Variants in CNTNAP2 observed in about 807,000 individuals in gnomAD.
The protein encoded by CNTNAP2 is contactin associated protein 2.
In CNTNAP2, 98 loss-of-function variants were observed where a neutral mutation model predicts 155.2. The ratio of observed to expected loss-of-function variants is 0.63; its 90% CI spans 0.54 to 0.75. The LOEUF (loss-of-function observed/expected upper bound fraction) is 0.75. Ranked by LOEUF, CNTNAP2 falls within the 30% of genes least tolerant of loss-of-function variation. CNTNAP2 has a pLI of 0.00. For synonymous variants in CNTNAP2, 651 were observed against 631.2 expected (o/e 1.03, Z -0.47); for missense variants, 1,727 against 1,688.1 (o/e 1.02, Z -0.40).
At chr7:147,016,194 G>GAAAGCGCGGA (rs148201996) in intron 3 of CNTNAP2, among the ~76,000 whole-genome samples, 8,459 of 151,920 alleles carry the variant, frequency 0.056, 316 homozygotes, top group Middle Eastern at 0.13. Context: ...CACAAGTGAT[G>GAAAGCGCGGA]AAAGCGCGGA....
At chr7:146,393,654 C>T (rs577173751) in intron 1 of CNTNAP2, among the ~76,000 whole-genome samples, 3 of 152,172 alleles carry the variant, frequency 2.0e-5, no homozygotes, top group African/African-American at 7.2e-5. Flanking sequence ...CTGTTGGGTC[C>T]TCATTTGTTT....
At chr7:147,118,433 TTTTAA>T (rs1437775727) in intron 5 of CNTNAP2, among the ~76,000 whole-genome samples, 1 of 152,208 alleles carries the variant, frequency 6.6e-6, no homozygotes, top group African/African-American at 2.4e-5. Context: ...ATGTGCTAAC[TTTTAA>T]TTGTATGGGG....
Position 147,095,144 on chromosome 7 carries a change from C to T in CNTNAP2, c.551-13003C>T, listed in dbSNP as rs537439666. Among the ~76,000 whole-genome samples the T allele has an allele frequency of 3.0e-3, 452 of 151,662 alleles. 2 individuals carry two copies. The highest frequency in any genetic ancestry group is 4.3e-3 in the Non-Finnish European group (292 of 67,930). Reference sequence around the variant, plus strand: ...AAGCGATTCTCCTGCCTGAGCCTCCCGAGTAGCTGGGACTATAGGCATGCA... The same window carrying T: ...AAGCGATTCTCCTGCCTGAGCCTCCTGAGTAGCTGGGACTATAGGCATGCA... On this transcript the variant is annotated intron_variant, in intron 4 of 23. Coordinates refer to ENST00000361727, the MANE Select transcript of CNTNAP2 (RefSeq NM_014141.6).
chr7:146,546,415 G>T (rs1050134249), intron 1 of CNTNAP2, among the ~76,000 whole-genome samples: 4 of 151,814 alleles, frequency 2.6e-5, no homozygotes, highest in African/African-American at 9.7e-5. Flanking sequence ...AAAATTTGAA[G>T]GTACAAAACA....
chr7:147,484,580 A>T (rs762690626), intron 10 of CNTNAP2, among the ~76,000 whole-genome samples: 2 of 152,226 alleles, frequency 1.3e-5, no homozygotes, highest in Non-Finnish European at 2.9e-5. Flanking sequence ...GCAGGTGCTC[A>T]ATCAATGTTT....
At chr7:147,828,399 T>C (rs755583852) in intron 13 of CNTNAP2, among the ~76,000 whole-genome samples, 3 of 152,228 alleles carry the variant, frequency 2.0e-5, no homozygotes, top group Non-Finnish European at 4.4e-5. Flanking sequence ...AGAGGTGTTA[T>C]AAGGAATCAT....
intron 1 of CNTNAP2, among the ~76,000 whole-genome samples, chr7:146,173,589 A>G (rs1357023956): frequency 1.3e-5 from 2 of 152,150 alleles, no homozygotes; most frequent in Non-Finnish European, 2.9e-5. Flanking sequence ...CTATTTGACA[A>G]ATTTAATTGC....
chr7:147,611,485 C>T (rs552120433), intron 12 of CNTNAP2, among the ~76,000 whole-genome samples: 2 of 152,252 alleles, frequency 1.3e-5, no homozygotes, highest in East Asian at 3.9e-4. Flanking sequence ...GGAATAAAAA[C>T]ATTAACGGAT....
At chr7:147,022,082 T>C (rs1226860188) in intron 3 of CNTNAP2, among the ~76,000 whole-genome samples, 1 of 152,166 alleles carries the variant, frequency 6.6e-6, no homozygotes, top group Non-Finnish European at 1.5e-5. Flanking sequence ...GTAGACCCTA[T>C]CTAGACCTTC....
At chr7:147,038,045 C>G (rs948689223) in intron 3 of CNTNAP2, among the ~76,000 whole-genome samples, 2 of 152,138 alleles carry the variant, frequency 1.3e-5, no homozygotes, top group African/African-American at 4.8e-5. Flanking sequence ...GTCCTAGCTA[C>G]TCAGGAGGCT....
At chr7:147,562,412 A>G (rs1800081712) in intron 12 of CNTNAP2, among the ~76,000 whole-genome samples, 155 bp downstream of exon 12, 1 of 152,234 alleles carries the variant, frequency 6.6e-6, no homozygotes, top group Non-Finnish European at 1.5e-5. Flanking sequence ...GATGAAATGT[A>G]TTATTAGAGC....
intron 1 of CNTNAP2, among the ~76,000 whole-genome samples, chr7:146,335,203 T>A (rs1166208499): frequency 6.6e-6 from 1 of 152,192 alleles, no homozygotes; most frequent in East Asian, 1.9e-4. Flanking sequence ...TGTTGAGAGT[T>A]TTCATTATGA....
At chr7:147,757,706 C>T (rs1797232707) in intron 13 of CNTNAP2, among the ~76,000 whole-genome samples, 1 of 152,078 alleles carries the variant, frequency 6.6e-6, no homozygotes, top group Non-Finnish European at 1.5e-5. Context: ...TAGTTGGTTT[C>T]CTTAGAGCTT....
intron 3 of CNTNAP2, among the ~76,000 whole-genome samples, chr7:146,878,687 C>T (rs1282200877): frequency 1.3e-5 from 2 of 152,098 alleles, no homozygotes; most frequent in Admixed American, 1.3e-4. Context: ...CTGTGGACCT[C>T]CCCTGCCCTC....
intron 1 of CNTNAP2, among the ~76,000 whole-genome samples, chr7:146,316,508 T>C (rs919269028): frequency 2.6e-5 from 4 of 151,884 alleles, no homozygotes; most frequent in African/African-American, 9.7e-5. Context: ...AACCAAAACA[T>C]AGGGCTGAGA....
chr7:146,564,450 A>G (rs1337268295), intron 1 of CNTNAP2, among the ~76,000 whole-genome samples: 1 of 151,178 alleles, frequency 6.6e-6, no homozygotes, highest in Non-Finnish European at 1.5e-5. Flanking sequence ...CAGAGTAAGT[A>G]CTTAATATAC....
At chr7:146,306,177 C>G (rs982020843) in intron 1 of CNTNAP2, among the ~76,000 whole-genome samples, 4 of 152,092 alleles carry the variant, frequency 2.6e-5, no homozygotes, top group South Asian at 4.1e-4. Flanking sequence ...CACACATACA[C>G]CCTCCCAGGA....
intron 21 of CNTNAP2, among the ~76,000 whole-genome samples, chr7:148,339,924 G>A (rs1406300012): frequency 2.0e-5 from 3 of 151,854 alleles, no homozygotes; most frequent in Admixed American, 1.3e-4. Context: ...GTCACTGCAC[G>A]GGGAGCAAGT....
At chr7:147,407,543 G>C (rs1489159673) in intron 10 of CNTNAP2, among the ~76,000 whole-genome samples, 1 of 143,128 alleles carries the variant, frequency 7.0e-6, no homozygotes, top group East Asian at 2.3e-4. Context: ...CTCTCACATA[G>C]TTATTATAGG....
Sources: allele counts gnomAD v4.1 joint callset (sites outside exome capture counted in the v4.1 genomes callset), GRCh38; gene constraint gnomAD v4.1.1; transcripts MANE v1.5; gene names NCBI Gene and HGNC (gene_info 2026-07-23, HGNC 2026-07-21).